The following ALDH6A1 variants were observed in gnomAD, a reference collection of about 807,000 sequenced individuals.
ALDH6A1 encodes aldehyde dehydrogenase 6 family member A1.
Under a neutral mutation model 62.6 loss-of-function variants are expected in ALDH6A1, and 43 were observed. The ratio of observed to expected loss-of-function variants is 0.69; its 90% CI spans 0.54 to 0.89. The LOEUF is 0.89. ALDH6A1 is among the 40% of genes least tolerant of loss of function. ALDH6A1 has a pLI of 0.00. For missense variants in ALDH6A1, 551 were observed against 661.3 expected (o/e 0.83, Z 1.83); for synonymous variants, 194 against 234.2 (o/e 0.83, Z 1.57).
chr14:74,060,511 G>A lies in ALDH6A1; in HGVS notation c.*131C>T. ...TATAGAAACTTTGCGGGGGTTAATA[G>A]TCCTGAGGAAGATTTTAGTTACAAT... On this transcript the variant is annotated 3_prime_UTR_variant, in exon 12 of 12. Transcript: ENST00000553458. The A allele has an allele frequency of 1.3e-6, 1 of 764,968 alleles. No homozygotes were observed. Among genetic ancestry groups the A allele is most frequent in the Non-Finnish European group, 2.3e-6 (1 of 427,780 alleles). 47.4% of individuals were successfully genotyped at this position (764,968 alleles called of 1,614,324 possible).
rs111508764 is a variant in ALDH6A1, at chr14:74,061,935, A to G, written c.1504-1189T>C. On this transcript the variant is annotated intron_variant, in intron 11 of 11. Transcript: ENST00000553458. ...AATTAAACTGGGGGGTGCAGCCAGG[A>G]GCGGTGGCTCACACTTGTAATATCA... Among the ~76,000 whole-genome samples, 298 of 151,244 alleles carry G rather than the reference A, an allele frequency of 2.0e-3. 2 individuals are homozygous for G. Among genetic ancestry groups the G allele is most frequent in the African/African-American group, 6.9e-3 (285 of 41,286 alleles).
chr14:74,075,146 A>G, intron 1 of ALDH6A1, 129 bp from the exon 2 acceptor site: 1 of 771,444 alleles, frequency 1.3e-6, no homozygotes, highest in South Asian at 1.5e-5. Flanking sequence ...CCATACAGTC[A>G]TTAAAGAGAA....
At chr14:74,064,131 C>T (rs1484375064) in intron 11 of ALDH6A1, among the ~76,000 whole-genome samples, 1 of 151,430 alleles carries the variant, frequency 6.6e-6, no homozygotes, top group Non-Finnish European at 1.5e-5. Flanking sequence ...AACCCTGTCT[C>T]TACTAAAAAA....
rs773289178 is a variant in ALDH6A1, at chr14:74,056,996, C to T, written c.*3646G>A. The T allele has an allele frequency of 1.2e-6, 2 of 1,606,412 alleles. No individual in the cohort carries two copies. Among genetic ancestry groups the T allele is most frequent in the South Asian group, 1.1e-5 (1 of 90,742 alleles). ...AGGAATTTGGGTAAGAGCTCTCTTG[C>T]TTAAGTAATAAACATGAGCCCAACA... On this transcript the variant is annotated 3_prime_UTR_variant, in exon 12 of 12. Coordinates refer to ENST00000553458, the MANE Select transcript of ALDH6A1 (RefSeq NM_005589.4).
chr14:74,074,254 G>A (rs1305833257), intron 2 of ALDH6A1, among the ~76,000 whole-genome samples: 1 of 145,728 alleles, frequency 6.9e-6, no homozygotes, highest in Non-Finnish European at 1.5e-5. Flanking sequence ...TGGGATTACA[G>A]GGGTGAGCCA....
At chr14:74,078,388 C>T in intron 1 of ALDH6A1, 1 of 377,578 alleles carries the variant, frequency 2.6e-6, no homozygotes, top group Non-Finnish European at 5.2e-6. Flanking sequence ...GGGTCTCGTC[C>T]TGTCTCCTAG....
chr14:74,073,409 GTA>G (rs35438656), intron 2 of ALDH6A1, among the ~76,000 whole-genome samples: 4,900 of 152,064 alleles, frequency 0.032, 200 homozygotes, highest in African/African-American at 0.096. Context: ...CCAGACTATA[GTA>G]TATATTAAGA....
intron 2 of ALDH6A1, among the ~76,000 whole-genome samples, chr14:74,073,291 A>T (rs2060574719): frequency 1.3e-5 from 2 of 151,344 alleles, no homozygotes; most frequent in South Asian, 4.2e-4. Flanking sequence ...CTTTTGATAG[A>T]GACGGGGTTT....
At chr14:74,074,645 G>A (rs1212577660) in intron 2 of ALDH6A1, among the ~76,000 whole-genome samples, 2 of 152,056 alleles carry the variant, frequency 1.3e-5, no homozygotes, top group African/African-American at 4.8e-5. Flanking sequence ...AAGAATTTGA[G>A]CAATAGTCCT....
At position 74,082,393 on chromosome 14, in the gene ALDH6A1, G is replaced by GTTT. The variant is rs869211328; in HGVS notation, c.48+1951_48+1953dup. Among the ~76,000 whole-genome samples the GTTT allele has an allele frequency of 1.0e-3, 78 of 77,606 alleles. 10 individuals carry two copies. The highest frequency in any genetic ancestry group is 3.1e-3 in the African/African-American group (60 of 19,112). 50.9% of individuals were successfully genotyped at this position (77,606 alleles called of 152,430 possible). ...AATATTCATGGCTGCCAAAATCGAG[G>GTTT]TTTTTTTTTTTTTTTTTTTTTTTTT... On this transcript the variant is annotated intron_variant, in intron 1 of 11. Transcript: ENST00000553458.
chr14:74,058,093 C>G lies in ALDH6A1; in HGVS notation c.*2549G>C, dbSNP rs1432799900. 1 of 182,952 alleles carries G rather than the reference C, an allele frequency of 5.5e-6. No homozygotes were observed. Among genetic ancestry groups the G allele is most frequent in the African/African-American group, 2.4e-5 (1 of 41,836 alleles). 11.3% of individuals were successfully genotyped at this position (182,952 alleles called of 1,614,324 possible). On this transcript the variant is annotated 3_prime_UTR_variant, in exon 12 of 12. Coordinates refer to ENST00000553458, the MANE Select transcript of ALDH6A1 (RefSeq NM_005589.4). ...CTGTAATCCCAGCACTTTGGGAGGCCGAGGTGGGCGGATCATTAGGTCAGG... is the reference window on the plus strand; with the variant it reads ...CTGTAATCCCAGCACTTTGGGAGGCGGAGGTGGGCGGATCATTAGGTCAGG...
intron 11 of ALDH6A1, among the ~76,000 whole-genome samples, chr14:74,062,657 A>C (rs1169013453): frequency 1.3e-5 from 2 of 152,100 alleles, no homozygotes; most frequent in Non-Finnish European, 2.9e-5. Context: ...TATATAATCA[A>C]CCTCCAAATA....
Position 74,056,888 on chromosome 14 carries a change from G to T in ALDH6A1, c.*3754C>A, listed in dbSNP as rs745512041. On this transcript the variant is annotated 3_prime_UTR_variant, in exon 12 of 12. Transcript: ENST00000553458. Reference sequence around the variant, plus strand: ...CACTGCCTCATTCATTATCTTTGTTGACTTTTACCCACTACAGGAAATACA... The same window carrying T: ...CACTGCCTCATTCATTATCTTTGTTTACTTTTACCCACTACAGGAAATACA... 1.9e-6 allele frequency: 3 copies of T among 1,582,000 alleles called. No individual in the cohort carries two copies. Among genetic ancestry groups the T allele is most frequent in the Admixed American group, 3.4e-5 (2 of 58,866 alleles).
Position 74,071,420 on chromosome 14 carries a change from G to C in ALDH6A1, c.505C>G (p.Leu169Val). The C allele has an allele frequency of 2.5e-6, 4 of 1,614,152 alleles. No individual in the cohort carries two copies. The highest frequency in any genetic ancestry group is 1.1e-5 in the South Asian group (1 of 91,084). ...CCCAGAGGCAGACGGTAGGAATAAA[G>C]GTCCATGTCTTTGGTGATGGATGGC... ...TMPSITKDMD[L>V]YSYRLPLGVC... The change falls in exon 6 of 12, where the codon CTT becomes GTT. Residue 169 changes from leucine to valine, a missense_variant. Leu to Val is a conservative substitution (Grantham distance 32). Transcript: ENST00000553458.
intron 5 of ALDH6A1, 101 bp downstream of exon 5, chr14:74,071,795 A>G (rs1282625831): frequency 4.0e-5 from 60 of 1,498,132 alleles, no homozygotes; most frequent in Non-Finnish European, 5.4e-5. Flanking sequence ...ATGGGATGGC[A>G]AAATCTATGT....
intron 11 of ALDH6A1, among the ~76,000 whole-genome samples, chr14:74,063,184 A>T (rs2060384971): frequency 6.8e-6 from 1 of 147,356 alleles, no homozygotes; most frequent in Admixed American, 6.9e-5. Context: ...AATAGTAATA[A>T]TTCTTCTTTT....
rs566392656 is a variant in ALDH6A1, at chr14:74,059,325, T to C, written c.*1317A>G. 4 of 455,496 alleles carry C rather than the reference T, an allele frequency of 8.8e-6. No homozygotes were observed. Among genetic ancestry groups the C allele is most frequent in the Non-Finnish European group, 1.8e-5 (4 of 226,472 alleles). The allele number at this position is 455,496 out of a possible 1,614,324, so 28.2% of individuals were successfully genotyped here. ...AGGTTAGATTTGCTTAAGGCAGGTG[T>C]CTTACCCATTTTCATGGTTGGAACA... is the stretch of plus-strand genomic sequence containing the variant. On this transcript the variant is annotated 3_prime_UTR_variant, in exon 12 of 12. Coordinates refer to ENST00000553458, the MANE Select transcript of ALDH6A1 (RefSeq NM_005589.4).
At chr14:74,067,621 A>T in intron 7 of ALDH6A1, 52 bp from the exon 8 acceptor site, 1 of 1,592,210 alleles carries the variant, frequency 6.3e-7, no homozygotes, top group Non-Finnish European at 8.6e-7. Flanking sequence ...AATACAACTA[A>T]GCTAAGAAAT....
In ALDH6A1 at chr14:74,076,863, T is replaced by C. The variant is rs113846697; in HGVS notation, c.49-1846A>G. ...CTGCACCCAGCCTATATATATGTTA[T>C]CAAAGTTGATTTAAGAAATACTTAA... On this transcript the variant is annotated intron_variant, in intron 1 of 11. Transcript: ENST00000553458. Among the ~76,000 whole-genome samples the C allele has an allele frequency of 1.0e-3, 158 of 152,240 alleles. 1 individual carries two copies. The highest frequency in any genetic ancestry group is 1.9e-3 in the Non-Finnish European group (132 of 68,016).
Sources: allele counts gnomAD v4.1 joint callset (sites outside exome capture counted in the v4.1 genomes callset), GRCh38; gene constraint gnomAD v4.1.1; transcripts MANE v1.5; gene names NCBI Gene and HGNC (gene_info 2026-07-23, HGNC 2026-07-21).